The following SPOCK3 variants were observed in gnomAD, a reference collection of about 807,000 sequenced individuals.
SPOCK3 encodes the protein testican-3.
SPOCK3 carries 30 observed loss-of-function variants against 56.6 expected under a neutral mutation model. That is an observed-to-expected ratio of 0.53 (90% CI 0.40 to 0.72). The LOEUF is 0.72. Among genes scored for constraint, SPOCK3 ranks in the 30% least tolerant of loss-of-function variants. SPOCK3 has a pLI of 0.00. For synonymous variants in SPOCK3, 196 were observed against 183.3 expected, an observed-to-expected ratio of 1.07 and a Z score of -0.56; for missense variants, 527 against 530.0, an observed-to-expected ratio of 0.99 and a Z score of 0.06.
intron 2 of SPOCK3, among the ~76,000 whole-genome samples, chr4:167,210,178 T>G (rs1319296971): frequency 1.3e-5 from 2 of 152,156 alleles, no homozygotes; most frequent in African/African-American, 4.8e-5. Flanking sequence ...TTCTTATACC[T>G]ATGGAACATG....
chr4:167,193,563 T>C lies in SPOCK3; in HGVS notation c.189+40422A>G, dbSNP rs1270285132. Reference sequence around the variant, plus strand: ...AAAGTGATTTATGCAGCACCATTTATACATCACCATTACAGTATCAGAATA... The same window carrying C: ...AAAGTGATTTATGCAGCACCATTTACACATCACCATTACAGTATCAGAATA... On this transcript the variant is annotated intron_variant, in intron 2 of 10. Coordinates refer to ENST00000357545, the MANE Select transcript of SPOCK3 (RefSeq NM_001040159.2). Among the ~76,000 whole-genome samples, 3 of 146,306 alleles carry C rather than the reference T, an allele frequency of 2.1e-5. 1 individual carries two copies. The highest frequency in any genetic ancestry group is 4.1e-4 in the East Asian group (2 of 4,852).
chr4:166,920,741 T>C (rs1262358320), intron 4 of SPOCK3, among the ~76,000 whole-genome samples: 2 of 152,146 alleles, frequency 1.3e-5, no homozygotes, highest in African/African-American at 4.8e-5. Flanking sequence ...CTAAAAGACA[T>C]GGAAAAATAT....
At chr4:166,847,672 TATATATATAA>T (rs1197871670) in intron 6 of SPOCK3, among the ~76,000 whole-genome samples, 3 of 107,962 alleles carry the variant, frequency 2.8e-5, no homozygotes, top group East Asian at 3.1e-4. Context: ...TATATATATA[TATATATATAA>T]GAATCATGTT....
intron 2 of SPOCK3, among the ~76,000 whole-genome samples, chr4:167,222,535 G>GAATCTATAACATGTGTATGTTATATATAT (rs1736043302): frequency 1.4e-5 from 2 of 140,210 alleles, no homozygotes; most frequent in Admixed American, 7.3e-5. Flanking sequence ...GTATGTTATA[G>GAATCTATAACATGTGTATGTTATATATAT]ATTCATATAT....
intron 2 of SPOCK3, among the ~76,000 whole-genome samples, chr4:167,101,434 A>T (rs1759636748): frequency 6.6e-6 from 1 of 152,024 alleles, no homozygotes. Context: ...ATCCACACTG[A>T]TGACTTTCAG....
chr4:167,183,033 T>A (rs1731633395), intron 2 of SPOCK3, among the ~76,000 whole-genome samples: 1 of 111,836 alleles, frequency 8.9e-6, no homozygotes, highest in Admixed American at 8.2e-5. Flanking sequence ...TTGAAGAGAC[T>A]GTGCAAGTTC....
intron 2 of SPOCK3, among the ~76,000 whole-genome samples, chr4:167,206,719 T>A (rs1175132958): frequency 1.3e-5 from 2 of 152,110 alleles, no homozygotes; most frequent in African/African-American, 4.8e-5. Flanking sequence ...GATACCAATT[T>A]TTTTTTCTTT....
At chr4:167,224,909 C>T (rs1241998594) in intron 2 of SPOCK3, among the ~76,000 whole-genome samples, 1 of 152,154 alleles carries the variant, frequency 6.6e-6, no homozygotes, top group Non-Finnish European at 1.5e-5. Flanking sequence ...TCAAGATCTG[C>T]CCACCTTGGC....
chr4:166,978,688 G>A (rs1024911942), intron 4 of SPOCK3, among the ~76,000 whole-genome samples: 1 of 152,136 alleles, frequency 6.6e-6, no homozygotes, highest in African/African-American at 2.4e-5. Context: ...GGAGAAGGAG[G>A]AAGAGGAGGG....
chr4:167,170,831 C>A (rs1372064353), intron 2 of SPOCK3, among the ~76,000 whole-genome samples: 1 of 152,090 alleles, frequency 6.6e-6, no homozygotes, highest in Non-Finnish European at 1.5e-5. Context: ...GGAGAAGAGT[C>A]AGAGTTCAAG....
At chr4:167,103,417 C>T (rs568825451) in intron 2 of SPOCK3, among the ~76,000 whole-genome samples, 3 of 152,066 alleles carry the variant, frequency 2.0e-5, no homozygotes, top group Non-Finnish European at 4.4e-5. Context: ...ACCATAAGCT[C>T]GCTGATGAGC....
At chr4:166,975,582 AAT>A (rs1745856526) in intron 4 of SPOCK3, among the ~76,000 whole-genome samples, 1 of 152,158 alleles carries the variant, frequency 6.6e-6, no homozygotes, top group African/African-American at 2.4e-5. Context: ...TGTGCTATCA[AAT>A]ATTTAGATTT....
chr4:167,178,051 A>G (rs1246815062), intron 2 of SPOCK3, among the ~76,000 whole-genome samples: 1 of 152,172 alleles, frequency 6.6e-6, no homozygotes, highest in Admixed American at 6.6e-5. Flanking sequence ...AACTGAACCC[A>G]GGTAATTGAG....
chr4:167,222,912 T>C (rs1736140143), intron 2 of SPOCK3, among the ~76,000 whole-genome samples: 1 of 127,894 alleles, frequency 7.8e-6, no homozygotes, highest in East Asian at 2.3e-4. Flanking sequence ...TAAACATAGA[T>C]ATGTTTATAT....
chr4:166,784,536 C>T (rs531284826), intron 7 of SPOCK3, among the ~76,000 whole-genome samples: 10 of 152,018 alleles, frequency 6.6e-5, no homozygotes, highest in Non-Finnish European at 1.5e-4. Context: ...TGATATGGAT[C>T]TCTCATTTTA....
intron 2 of SPOCK3, among the ~76,000 whole-genome samples, chr4:167,112,415 TA>T (rs1561228708): frequency 6.6e-6 from 1 of 152,146 alleles, no homozygotes; most frequent in South Asian, 2.1e-4. Context: ...TGTTATGGTT[TA>T]AGGGATTTTG....
At chr4:166,933,687 G>C (rs1740052993) in intron 4 of SPOCK3, among the ~76,000 whole-genome samples, 1 of 152,286 alleles carries the variant, frequency 6.6e-6, no homozygotes, top group East Asian at 1.9e-4. Flanking sequence ...AAGAGACTTA[G>C]AACATAGAGA....
At chr4:166,912,976 C>G (rs2127100212) in intron 4 of SPOCK3, among the ~76,000 whole-genome samples, 1 of 152,180 alleles carries the variant, frequency 6.6e-6, no homozygotes, top group African/African-American at 2.4e-5. Context: ...ATATATTCTG[C>G]TAGTCACATA....
rs13102037 is a variant in SPOCK3 at position 166,755,977 on chromosome 4, G to A, written c.710-1248C>T. Among the ~76,000 whole-genome samples the A allele has an allele frequency of 3.7e-4, 3 of 8,084 alleles. 1 individual carries two copies. Among genetic ancestry groups the A allele is most frequent in the Non-Finnish European group, 1.1e-3 (3 of 2,630 alleles). 5.3% of individuals were successfully genotyped at this position (8,084 alleles called of 152,430 possible). On this transcript the variant is annotated intron_variant, in intron 7 of 10. Coordinates refer to ENST00000357545, the MANE Select transcript of SPOCK3 (RefSeq NM_001040159.2). ...TTTCTGCATTTCCATCTGAGGTACC[G>A]GGTTCATCTCACTAGGGAGTGCCAG...
Sources: gnomAD v4.1 joint callset for allele counts (sites outside exome capture counted in the v4.1 genomes callset) on GRCh38, gnomAD v4.1.1 for gene constraint, MANE v1.5 for transcripts, NCBI Gene and HGNC (gene_info 2026-07-23, HGNC 2026-07-21) for gene names.